ADAM7: variants seen among roughly 807,000 people sequenced by gnomAD.
The protein encoded by ADAM7 is disintegrin and metalloproteinase domain-containing protein 7.
ADAM7 carries 97 observed loss-of-function variants against 102.9 expected under a neutral mutation model. That is an observed-to-expected ratio of 0.94 (90% confidence interval 0.80 to 1.12). The LOEUF (loss-of-function observed/expected upper bound fraction) is 1.12. Ranked by LOEUF, ADAM7 falls within the 50% of genes most tolerant of loss-of-function variation. The pLI is 0.00. For synonymous variants in ADAM7, 334 were observed against 304.4 expected, an observed-to-expected ratio of 1.10 and a Z score of -1.01; for missense variants, 991 against 908.7, an observed-to-expected ratio of 1.09 and a Z score of -1.16.
chr8:24,477,832 G>A (rs1267135218), intron 8 of ADAM7, among the ~76,000 whole-genome samples: 1 of 151,368 alleles, frequency 6.6e-6, no homozygotes, highest in Admixed American at 6.6e-5. Flanking sequence ...GTTTCCATTT[G>A]GCTAATTTTT....
intron 9 of ADAM7, among the ~76,000 whole-genome samples, chr8:24,482,761 AATAG>A (rs1240424577): frequency 5.3e-5 from 8 of 151,838 alleles, no homozygotes; most frequent in African/African-American, 1.9e-4. Flanking sequence ...TAAATAAATA[AATAG>A]AAAGTTTTCA....
intron 20 of ADAM7, chr8:24,506,092 A>G: frequency 5.8e-6 from 9 of 1,549,494 alleles, no homozygotes; most frequent in Non-Finnish European, 7.9e-6. Context: ...TCTTACTAGC[A>G]GAGAACTCCA....
At chr8:24,503,149 AAT>A (rs1820821300) in intron 20 of ADAM7, among the ~76,000 whole-genome samples, 2 of 152,222 alleles carry the variant, frequency 1.3e-5, no homozygotes, top group South Asian at 4.1e-4. Context: ...TGATCATATC[AAT>A]AGAGGCAGAT....
At chr8:24,466,161 A>T (rs1443409303) in intron 5 of ADAM7, among the ~76,000 whole-genome samples, 1 of 152,180 alleles carries the variant, frequency 6.6e-6, no homozygotes, top group Non-Finnish European at 1.5e-5. Context: ...AGTTTTGTGA[A>T]TTCCCATTAT....
chr8:24,470,856 CTT>C (rs1819579593), intron 7 of ADAM7, among the ~76,000 whole-genome samples: 2 of 152,102 alleles, frequency 1.3e-5, no homozygotes, highest in African/African-American at 4.8e-5. Context: ...ATAGTGTACT[CTT>C]ATTGATATAT....
chr8:24,501,344 T>C, intron 19 of ADAM7, 133 bp from the exon 20 acceptor site: 1 of 605,602 alleles, frequency 1.7e-6, no homozygotes, highest in Non-Finnish European at 2.8e-6. Context: ...AAGCATTATT[T>C]CAATATATTT....
chr8:24,445,649 A>G (rs1286594542), intron 2 of ADAM7, among the ~76,000 whole-genome samples: 2 of 152,172 alleles, frequency 1.3e-5, no homozygotes, highest in African/African-American at 4.8e-5. Context: ...CTAATCCATT[A>G]TCTACAAGAA....
intron 3 of ADAM7, among the ~76,000 whole-genome samples, chr8:24,456,695 A>G (rs573613957): frequency 1.3e-5 from 2 of 151,056 alleles, no homozygotes; most frequent in Admixed American, 1.3e-4. Flanking sequence ...TAACACAAGA[A>G]TCACACTACA....
chr8:24,467,171 G>A (rs1284924265), intron 6 of ADAM7, 183 bp downstream of exon 6: 5 of 616,396 alleles, frequency 8.1e-6, no homozygotes, highest in African/African-American at 7.4e-5. Flanking sequence ...ATTTCATAGA[G>A]TTTGTTTAAT....
chr8:24,488,978 T>C (rs1820241745), intron 11 of ADAM7, among the ~76,000 whole-genome samples, 181 bp from the exon 12 acceptor site: 1 of 152,184 alleles, frequency 6.6e-6, no homozygotes, highest in Admixed American at 6.5e-5. Flanking sequence ...TTCACTAACA[T>C]AGCATGTGTT....
At chr8:24,503,727 G>C (rs563980742) in intron 20 of ADAM7, among the ~76,000 whole-genome samples, 1 of 152,028 alleles carries the variant, frequency 6.6e-6, no homozygotes, top group Non-Finnish European at 1.5e-5. Context: ...TCCTTTGCAG[G>C]GACATGGATG....
chr8:24,467,461 G>T, intron 6 of ADAM7: 1 of 165,076 alleles, frequency 6.1e-6, no homozygotes, highest in East Asian at 1.8e-4. Flanking sequence ...TGGAGCTTTA[G>T]GCTTTTCTAT....
intron 3 of ADAM7, among the ~76,000 whole-genome samples, chr8:24,449,083 T>C (rs1466451264): frequency 2.6e-5 from 4 of 152,202 alleles, no homozygotes; most frequent in Non-Finnish European, 5.9e-5. Flanking sequence ...TCCAAGTCTT[T>C]GCTATTGTGA....
intron 3 of ADAM7, among the ~76,000 whole-genome samples, chr8:24,454,959 A>T (rs898864959): frequency 1.3e-5 from 2 of 152,182 alleles, no homozygotes; most frequent in Non-Finnish European, 2.9e-5. Flanking sequence ...CGCTATAATA[A>T]ATCTATTAAT....
At chr8:24,495,434 C>T (rs1165100826) in intron 16 of ADAM7, among the ~76,000 whole-genome samples, 1 of 151,704 alleles carries the variant, frequency 6.6e-6, no homozygotes, top group Non-Finnish European at 1.5e-5. Context: ...TAACAAACTT[C>T]CAGAAAAGAC....
intron 20 of ADAM7, among the ~76,000 whole-genome samples, chr8:24,506,940 C>CTTTTAAAATA (rs1485778451): frequency 1.3e-5 from 2 of 152,060 alleles, no homozygotes; most frequent in African/African-American, 4.8e-5. Flanking sequence ...TTAAAAGCAG[C>CTTTTAAAATA]CATTCTCATT....
chr8:24,458,703 G>A (rs1181886851), intron 3 of ADAM7, among the ~76,000 whole-genome samples: 1 of 152,062 alleles, frequency 6.6e-6, no homozygotes, highest in Non-Finnish European at 1.5e-5. Context: ...TGGAATGAGT[G>A]AGGGCAGCCT....
chr8:24,455,664 C>T (rs139848247), intron 3 of ADAM7, among the ~76,000 whole-genome samples: 2 of 152,332 alleles, frequency 1.3e-5, no homozygotes, highest in East Asian at 3.9e-4. Context: ...CCTTGGCCTC[C>T]CAAAGTGCTA....
chr8:24,459,220 T>C (rs894293476), intron 3 of ADAM7, among the ~76,000 whole-genome samples: 8 of 152,026 alleles, frequency 5.3e-5, no homozygotes, highest in African/African-American at 1.9e-4. Flanking sequence ...GTTTCTATTT[T>C]ATCATGCATC....
Sources: allele counts gnomAD v4.1 joint callset (sites outside exome capture counted in the v4.1 genomes callset), GRCh38; gene constraint gnomAD v4.1.1; transcripts MANE v1.5; gene names NCBI Gene and HGNC (gene_info 2026-07-23, HGNC 2026-07-21).